The following NPL variants were observed in gnomAD, a reference collection of about 807,000 sequenced individuals.
NPL encodes the protein N-acetylneuraminate pyruvate lyase, also known as N-acetylneuraminate lyase.
Under a neutral mutation model 41.1 loss-of-function variants are expected in NPL, and 32 were observed. The ratio of observed to expected loss-of-function variants is 0.78; its 90% CI spans 0.59 to 1.05. The LOEUF (loss-of-function observed/expected upper bound fraction) is 1.05, where lower values mean the gene tolerates loss of function less well. NPL is among the 50% of genes least tolerant of loss of function. The pLI, the probability that NPL is intolerant of heterozygous loss-of-function variation, is 0.00. For missense variants in NPL, 321 were observed against 378.4 expected (o/e 0.85, Z 1.26); for synonymous variants, 128 against 134.9 (o/e 0.95, Z 0.35).
At chr1:182,806,019 G>A in intron 4 of NPL, 126 bp from the exon 5 acceptor site, 2 of 1,097,164 alleles carry the variant, frequency 1.8e-6, no homozygotes, top group Non-Finnish European at 2.7e-6. Context: ...AGTGAAAATG[G>A]AAACATGGCA....
intron 3 of NPL, 86 bp from the exon 4 acceptor site, chr1:182,803,612 A>G (rs778132721): frequency 8.7e-5 from 75 of 863,764 alleles, no homozygotes; most frequent in Admixed American, 3.3e-4. Context: ...ACTATTAGCA[A>G]GAGGGAGCAG....
At chr1:182,791,042 A>C (rs1666500363) in intron 1 of NPL, among the ~76,000 whole-genome samples, 1 of 152,150 alleles carries the variant, frequency 6.6e-6, no homozygotes, top group Non-Finnish European at 1.5e-5. Context: ...AAATTTTCCA[A>C]GCTGCCATTG....
At position 182,807,631 on chromosome 1, in the gene NPL, C is replaced by G. The variant is rs1667053742; in HGVS notation, c.230+1399C>G. 2.0e-5 allele frequency among the ~76,000 whole-genome samples: 3 copies of G among 149,578 alleles called. No individual in the cohort carries two copies. In the Admixed American group the frequency reaches 2.0e-4, roughly 10 times the overall value. ...GTGGCTCATGCCTGTAATCCCAGCA[C>G]TTTGGGAGGCCAAGGCGGGCGGATC... is the stretch of plus-strand genomic sequence containing the variant. On this transcript the variant is annotated intron_variant, in intron 5 of 12. Coordinates refer to ENST00000367553, the MANE Select transcript of NPL (RefSeq NM_030769.3).
Position 182,828,927 on chromosome 1 carries a change from G to C in NPL, c.*19G>C, listed in dbSNP as rs1463868021. 1.2e-6 allele frequency: 2 copies of C among 1,613,930 alleles called. No individual in the cohort carries two copies. The highest frequency in any genetic ancestry group is 1.1e-5 in the South Asian group (1 of 91,078). ...TAGCTAGTGCCTCTCTATCAAATCA[G>C]GGTTTGCACCTTGAGACATAATCTA... is the stretch of plus-strand genomic sequence containing the variant. On this transcript the variant is annotated 3_prime_UTR_variant, in exon 13 of 13. Coordinates refer to ENST00000367553, the MANE Select transcript of NPL (RefSeq NM_030769.3). This position sits in a 1 kb window ranked among gnomAD's most constrained non-coding sequence, Gnocchi z 4.0.
rs752600523 is a variant in NPL at position 182,818,624 on chromosome 1, G to C, written c.541G>C (p.Asp181His). ...GAAATTCAGTGATACAGATCTCTTA[G>C]ACTTCGGGCAATGTGTTGATCAGAA... ...GLKFSDTDLLDFGQCVDQNRQ... is the reference protein window; with the variant it reads ...GLKFSDTDLLHFGQCVDQNRQ... The change falls in exon 9 of 13, where the codon GAC (aspartate) becomes CAC (histidine). Residue 181 changes from aspartate to histidine, a missense_variant. By Grantham distance (81) the Asp-to-His change is moderately conservative. Coordinates refer to ENST00000367553, the MANE Select transcript of NPL (RefSeq NM_030769.3). The C allele has an allele frequency of 5.0e-6, 8 of 1,614,074 alleles. No individual in the cohort carries two copies. The highest frequency in any genetic ancestry group is 6.8e-6 in the Non-Finnish European group (8 of 1,180,046).
intron 10 of NPL, 97 bp downstream of exon 10, chr1:182,818,956 TAGAAG>T: frequency 9.6e-7 from 1 of 1,044,634 alleles, no homozygotes. Context: ...TCCTTTCTAA[TAGAAG>T]TTTCCTTTCT....
chr1:182,819,423 G>A (rs1302711981), intron 10 of NPL, among the ~76,000 whole-genome samples: 1 of 150,522 alleles, frequency 6.6e-6, no homozygotes, highest in Non-Finnish European at 1.5e-5. Context: ...TCTAGCCCGG[G>A]CAACAAGAGT....
chr1:182,829,036 T>C lies in NPL; in HGVS notation c.*128T>C, dbSNP rs1667703057. The C allele has an allele frequency of 2.0e-6, 3 of 1,538,162 alleles. No homozygotes were observed. The African/African-American group carries it at 4.2e-5, about 21-fold the overall frequency. On this transcript the variant is annotated 3_prime_UTR_variant, in exon 13 of 13. Transcript: ENST00000367553. Reference sequence around the variant, plus strand: ...AGCAAATGAAATCTCACAATAAGCATTGAGGTACCTTTTGTGAGCCTTAAA... The same window carrying C: ...AGCAAATGAAATCTCACAATAAGCACTGAGGTACCTTTTGTGAGCCTTAAA...
At chr1:182,822,471 CT>C (rs1382625926) in intron 11 of NPL, among the ~76,000 whole-genome samples, 1 of 152,176 alleles carries the variant, frequency 6.6e-6, no homozygotes, top group African/African-American at 2.4e-5. Context: ...CTTCAAAGTA[CT>C]TTTGTGACTA....
At chr1:182,807,531 T>C (rs765075011) in intron 5 of NPL, among the ~76,000 whole-genome samples, 9 of 151,566 alleles carry the variant, frequency 5.9e-5, no homozygotes, top group Non-Finnish European at 1.2e-4. Context: ...GGTCCAAAAA[T>C]ATTAAGGACC....
chr1:182,814,956 A>G (rs2102555205), intron 7 of NPL, 98 bp downstream of exon 7: 4 of 994,906 alleles, frequency 4.0e-6, no homozygotes, highest in Non-Finnish European at 4.7e-6. Flanking sequence ...GTAAAGCACT[A>G]TAGATTGGAG....
chr1:182,825,911 A>C, intron 12 of NPL, 91 bp downstream of exon 12: 1 of 950,442 alleles, frequency 1.1e-6, no homozygotes, highest in Non-Finnish European at 1.7e-6. Flanking sequence ...CAACAAGAAC[A>C]CTTTTTAATG....
intron 3 of NPL, among the ~76,000 whole-genome samples, chr1:182,801,150 A>G (rs1666836135): frequency 6.6e-6 from 1 of 152,242 alleles, no homozygotes; most frequent in African/African-American, 2.4e-5. Flanking sequence ...ATCTCTCTAA[A>G]GAGGTCTGGT....
intron 11 of NPL, among the ~76,000 whole-genome samples, chr1:182,825,381 A>C (rs916021758): frequency 1.3e-5 from 2 of 152,194 alleles, no homozygotes; most frequent in African/African-American, 4.8e-5. Context: ...GATTCCCATA[A>C]ATCTTAGCCT....
intron 11 of NPL, among the ~76,000 whole-genome samples, chr1:182,824,760 G>A (rs1041382879): frequency 2.6e-5 from 4 of 152,116 alleles, no homozygotes; most frequent in South Asian, 2.1e-4. Flanking sequence ...TCATGCCACC[G>A]CACTCCAGCC....
At chr1:182,822,583 G>A (rs1039230904) in intron 11 of NPL, among the ~76,000 whole-genome samples, 1 of 152,226 alleles carries the variant, frequency 6.6e-6, no homozygotes, top group Non-Finnish European at 1.5e-5. Context: ...TATGAAGATG[G>A]TAACCTAAAA....
At chr1:182,823,574 G>A (rs1667548297) in intron 11 of NPL, among the ~76,000 whole-genome samples, 1 of 152,162 alleles carries the variant, frequency 6.6e-6, no homozygotes, top group South Asian at 2.1e-4. Context: ...TTTAGATAAG[G>A]GTGAGAAGAA....
At chr1:182,805,201 G>A (rs1349783654) in intron 4 of NPL, among the ~76,000 whole-genome samples, 8 of 152,100 alleles carry the variant, frequency 5.3e-5, no homozygotes, top group East Asian at 3.9e-4. Context: ...AGGCTGAGGC[G>A]GGCAGATCAC....
Position 182,828,590 on chromosome 1 carries a change from G to C in NPL, c.779-134G>C, listed in dbSNP as rs1667690191. 4 of 1,134,382 alleles carry C rather than the reference G, an allele frequency of 3.5e-6. No homozygotes were observed. In the South Asian group the frequency reaches 4.1e-5, roughly 11 times the overall value. 70.3% of individuals were successfully genotyped at this position (1,134,382 alleles called of 1,614,324 possible). A position where few individuals can be genotyped will look rare whatever the true frequency, so the allele number is the denominator to read the frequency against. ...GATTGCTCATCTGTCATATTGACTAGAAATGTTCCCATCTTTTGTTTTAAT... is the reference window on the plus strand; with the variant it reads ...GATTGCTCATCTGTCATATTGACTACAAATGTTCCCATCTTTTGTTTTAAT... On this transcript the variant is annotated intron_variant, in intron 12 of 12. Transcript: ENST00000367553. The surrounding 1 kb of genome is among the most constrained non-coding windows in gnomAD (Gnocchi z 4.0).
Sources: allele counts gnomAD v4.1 joint callset (sites outside exome capture counted in the v4.1 genomes callset), GRCh38; gene constraint gnomAD v4.1.1; non-coding constraint Gnocchi (gnomAD v3.1); transcripts MANE v1.5; gene names NCBI Gene and HGNC (gene_info 2026-07-23, HGNC 2026-07-21).